XRCC1: variants seen among roughly 807,000 people sequenced by gnomAD.
The protein encoded by XRCC1 is X-ray repair cross complementing 1, also known as DNA repair protein XRCC1.
A neutral mutation model predicts 83.3 loss-of-function variants in XRCC1; 52 were observed. The ratio of observed to expected loss-of-function variants is 0.62; its 90% CI spans 0.50 to 0.79. XRCC1 has a LOEUF of 0.79. Ranked by LOEUF, XRCC1 falls within the 30% of genes least tolerant of loss-of-function variation. The pLI, the probability that XRCC1 is intolerant of heterozygous loss-of-function variation, is 0.00. For synonymous variants in XRCC1, 281 were observed against 312.6 expected (o/e 0.90, Z 1.07); for missense variants, 793 against 823.5 (o/e 0.96, Z 0.45).
chr19:43,552,740 T>A, intron 8 of XRCC1, 57 bp downstream of exon 8: 1 of 1,472,994 alleles, frequency 6.8e-7, no homozygotes, highest in Non-Finnish European at 9.1e-7. Context: ...CAGCCCCGCT[T>A]CCCCTAGGAC....
intron 2 of XRCC1, among the ~76,000 whole-genome samples, chr19:43,572,910 T>C (rs904903698): frequency 2.1e-5 from 3 of 146,230 alleles, no homozygotes; most frequent in African/African-American, 7.5e-5. Flanking sequence ...CAAATCATCC[T>C]AAAACTGAGA....
chr19:43,575,025 A>T, intron 1 of XRCC1, 23 bp from the exon 2 acceptor site: 1 of 1,589,194 alleles, frequency 6.3e-7, no homozygotes, highest in Non-Finnish European at 8.6e-7. Flanking sequence ...GTGGGAGAGG[A>T]GAATTAGGGC....
At chr19:43,572,508 G>A (rs3213260) in intron 2 of XRCC1, among the ~76,000 whole-genome samples, 31 of 152,306 alleles carry the variant, frequency 2.0e-4, no homozygotes, top group Admixed American at 1.5e-3. Flanking sequence ...ATCTATCACA[G>A]TTTAAAAGAC....
chr19:43,560,858 C>T (rs1239592264), intron 3 of XRCC1, 52 bp downstream of exon 3: 8 of 1,466,700 alleles, frequency 5.5e-6, no homozygotes, highest in East Asian at 2.3e-5. Flanking sequence ...GACGGTGATG[C>T]GAGCATGAGG....
At chr19:43,544,095 T>G in intron 15 of XRCC1, 49 bp downstream of exon 15, 4 of 1,491,066 alleles carry the variant, frequency 2.7e-6, no homozygotes, top group Middle Eastern at 1.8e-4. Context: ...TCCCTGAGCG[T>G]TCCCTTGGAT....
At chr19:43,573,122 T>C (rs1295411074) in intron 2 of XRCC1, among the ~76,000 whole-genome samples, 1 of 151,918 alleles carries the variant, frequency 6.6e-6, no homozygotes, top group Non-Finnish European at 1.5e-5. Context: ...TTCGTAGAGA[T>C]AGGGTTTCCC....
chr19:43,574,363 A>G (rs1972833479), intron 2 of XRCC1, among the ~76,000 whole-genome samples: 1 of 152,158 alleles, frequency 6.6e-6, no homozygotes, highest in Non-Finnish European at 1.5e-5. Flanking sequence ...GGTGTGAACC[A>G]CCATACCTGG....
In XRCC1 at chr19:43,552,015, A is replaced by G; in HGVS notation, c.1082+2T>C. 1 of 1,613,772 alleles carries G rather than the reference A, an allele frequency of 6.2e-7. No individual in the cohort carries two copies. The highest frequency in any genetic ancestry group is 8.5e-7 in the Non-Finnish European group (1 of 1,179,754). The stretch of plus-strand genomic sequence containing the variant: ...GGCGCAGGGAGGGGGGCGCAAGCCT[A>G]CATGAGGTGCGTGCTGTCCCGGGTC... On this transcript the variant is annotated splice_donor_variant, in intron 9 of 16. Coordinates refer to ENST00000262887, the MANE Select transcript of XRCC1 (RefSeq NM_006297.3). LOFTEE classifies it high-confidence loss of function.
At chr19:43,572,077 T>A (rs1972811138) in intron 2 of XRCC1, among the ~76,000 whole-genome samples, 1 of 152,078 alleles carries the variant, frequency 6.6e-6, no homozygotes, top group Admixed American at 6.6e-5. Flanking sequence ...CCCAAGCTGC[T>A]CCCTCTGGGG....
intron 1 of XRCC1, among the ~76,000 whole-genome samples, 191 bp downstream of exon 1, chr19:43,575,217 C>T (rs1005066156): frequency 1.3e-5 from 2 of 152,192 alleles, no homozygotes; most frequent in Non-Finnish European, 2.9e-5. Flanking sequence ...CCTATTCCTC[C>T]TTTTCTCTCC....
intron 2 of XRCC1, among the ~76,000 whole-genome samples, chr19:43,565,808 G>A (rs1377697188): frequency 1.3e-5 from 2 of 151,912 alleles, no homozygotes; most frequent in African/African-American, 2.4e-5. Flanking sequence ...GTGGTGACAC[G>A]CACCTCAATA....
At chr19:43,556,662 A>G (rs2854500) in intron 3 of XRCC1, among the ~76,000 whole-genome samples, 119,992 of 151,922 alleles carry the variant, frequency 0.79, 47,531 homozygotes, top group East Asian at 0.89. Flanking sequence ...AATTTAAGCC[A>G]GGCATGGTGG....
chr19:43,558,336 A>G (rs958923231), intron 3 of XRCC1, among the ~76,000 whole-genome samples: 1 of 21,868 alleles, frequency 4.6e-5, no homozygotes, highest in Non-Finnish European at 7.9e-5. Flanking sequence ...CCTCGTTTCA[A>G]AAAAAAAAGA....
chr19:43,565,237 C>T (rs897747370), intron 2 of XRCC1, among the ~76,000 whole-genome samples: 7 of 152,212 alleles, frequency 4.6e-5, no homozygotes, highest in Admixed American at 4.6e-4. Context: ...TTTTGAGCAC[C>T]ACTGTTCTGT....
intron 3 of XRCC1, 63 bp downstream of exon 3, chr19:43,560,847 A>T: frequency 7.3e-7 from 1 of 1,366,254 alleles, no homozygotes; most frequent in Admixed American, 1.7e-5. Context: ...CCCCTGGGGG[A>T]GACGGTGATG....
At chr19:43,549,608 G>A (rs1972555400) in intron 10 of XRCC1, among the ~76,000 whole-genome samples, 1 of 152,052 alleles carries the variant, frequency 6.6e-6, no homozygotes, top group Non-Finnish European at 1.5e-5. Context: ...CTAGACTGGA[G>A]TGCAGCGGTG....
At chr19:43,561,147 G>C (rs1972695317) in intron 2 of XRCC1, 127 bp from the exon 3 acceptor site, 1 of 747,816 alleles carries the variant, frequency 1.3e-6, no homozygotes, top group Non-Finnish European at 2.4e-6. Context: ...GGGCACACCA[G>C]GGTTGAATGG....
At chr19:43,563,028 G>A (rs984455487) in intron 2 of XRCC1, among the ~76,000 whole-genome samples, 4 of 152,220 alleles carry the variant, frequency 2.6e-5, no homozygotes, top group Non-Finnish European at 5.9e-5. Context: ...CAGTCCACGC[G>A]TGCTCCTCCA....
chr19:43,551,115 G>A (rs149399943), intron 10 of XRCC1, among the ~76,000 whole-genome samples: 291 of 152,296 alleles, frequency 1.9e-3, no homozygotes, highest in Middle Eastern at 6.8e-3. Flanking sequence ...TTACAGGCGT[G>A]CGCCACCAAG....
Sources: allele counts gnomAD v4.1 joint callset (sites outside exome capture counted in the v4.1 genomes callset), GRCh38; gene constraint gnomAD v4.1.1; transcripts MANE v1.5; gene names NCBI Gene and HGNC (gene_info 2026-07-23, HGNC 2026-07-21).